The following SLC12A6 variants were observed in gnomAD, a reference collection of about 807,000 sequenced individuals.
The protein encoded by SLC12A6 is solute carrier family 12 member 6.
Under a neutral mutation model 135.3 loss-of-function variants are expected in SLC12A6, and 66 were observed. The observed-to-expected ratio is 0.49, with a 90% CI of 0.40 to 0.60. SLC12A6 has a LOEUF of 0.60. SLC12A6 is among the 20% of genes least tolerant of loss of function. SLC12A6 has a pLI of 0.00. For synonymous variants in SLC12A6, 513 were observed against 508.8 expected (o/e 1.01, Z -0.11); for missense variants, 1,058 against 1,452.3 (o/e 0.73, Z 4.41).
chr15:34,285,706 GTGTGTGTT>G (rs1214515798), intron 2 of SLC12A6, among the ~76,000 whole-genome samples: 22 of 518 alleles, frequency 0.042, no homozygotes, highest in African/African-American at 0.17. Flanking sequence ...GTGTGTGTGT[GTGTGTGTT>G]TGTCATACAT....
chr15:34,332,680 G>C (rs750339745), intron 2 of SLC12A6, among the ~76,000 whole-genome samples: 20 of 152,090 alleles, frequency 1.3e-4, no homozygotes, highest in Non-Finnish European at 2.5e-4. Context: ...CTACTTGGGA[G>C]GCTGAGGCTG....
chr15:34,235,345 G>C (rs778597105), intron 24 of SLC12A6, 31 bp from the exon 25 acceptor site: 27 of 1,599,590 alleles, frequency 1.7e-5, no homozygotes, highest in Non-Finnish European at 2.2e-5. Context: ...GGTTGTTAAG[G>C]TAAAAAGACA....
intron 16 of SLC12A6, among the ~76,000 whole-genome samples, chr15:34,243,502 C>T (rs949563606): frequency 4.6e-5 from 7 of 152,142 alleles, no homozygotes; most frequent in African/African-American, 1.7e-4. Flanking sequence ...TCATTGAGAG[C>T]TGAGCTTTAC....
Position 34,275,403 on chromosome 15 carries a change from A to G in SLC12A6, c.272-14T>C. 1.4e-6 allele frequency: 2 copies of G among 1,448,724 alleles called. No individual in the cohort carries two copies. Among genetic ancestry groups the G allele is most frequent in the South Asian group, 1.1e-5 (1 of 87,100 alleles). 89.7% of individuals were successfully genotyped at this position (1,448,724 alleles called of 1,614,324 possible). On this transcript the variant is annotated splice_polypyrimidine_tract_variant and intron_variant, in intron 2 of 25. Coordinates refer to ENST00000354181, the MANE Select transcript of SLC12A6 (RefSeq NM_001365088.1). ...TCTGACTCAGGTCTGAAAAACAAAC[A>G]ATTGAAAAGAAAAGAAAAAAATGAA...
intron 13 of SLC12A6, among the ~76,000 whole-genome samples, chr15:34,247,617 C>T (rs1180388756): frequency 1.3e-5 from 2 of 152,048 alleles, no homozygotes; most frequent in Non-Finnish European, 2.9e-5. Flanking sequence ...TACTACCATG[C>T]AGGTCAAGAA....
intron 1 of SLC12A6, 162 bp from the exon 2 acceptor site, chr15:34,336,914 C>T (rs1890238332): frequency 1.7e-6 from 1 of 572,854 alleles, no homozygotes; most frequent in East Asian, 3.0e-5. Context: ...GAGAAAAAAA[C>T]AAAAAACAAA....
chr15:34,268,656 A>G (rs1893687810), intron 3 of SLC12A6, among the ~76,000 whole-genome samples: 1 of 152,206 alleles, frequency 6.6e-6, no homozygotes, highest in Non-Finnish European at 1.5e-5. Context: ...AAGAAATACC[A>G]GATGGAATGG....
intron 2 of SLC12A6, among the ~76,000 whole-genome samples, chr15:34,333,760 C>A (rs1890017811): frequency 6.6e-6 from 1 of 152,046 alleles, no homozygotes. Flanking sequence ...TTAAAATATA[C>A]TGAAATAAGT....
At chr15:34,328,461 GA>G (rs1276053947) in intron 2 of SLC12A6, among the ~76,000 whole-genome samples, 3 of 152,206 alleles carry the variant, frequency 2.0e-5, no homozygotes. Flanking sequence ...CAAATATGGT[GA>G]TAGTGTTTCC....
intron 2 of SLC12A6, among the ~76,000 whole-genome samples, chr15:34,275,621 C>A (rs1170625722): frequency 6.6e-6 from 1 of 151,926 alleles, no homozygotes; most frequent in Non-Finnish European, 1.5e-5. Flanking sequence ...ATTATACTTC[C>A]AAAATAATTG....
chr15:34,253,632 T>G (rs889400906), intron 9 of SLC12A6, among the ~76,000 whole-genome samples: 2 of 152,236 alleles, frequency 1.3e-5, no homozygotes, highest in Non-Finnish European at 2.9e-5. Flanking sequence ...AAAATCTTTT[T>G]TTCTGTAATC....
chr15:34,256,975 A>T (rs1250457527), intron 6 of SLC12A6, among the ~76,000 whole-genome samples: 1 of 152,204 alleles, frequency 6.6e-6, no homozygotes, highest in Non-Finnish European at 1.5e-5. Flanking sequence ...GGTACCATGA[A>T]CATTTTAAGT....
chr15:34,297,074 G>A (rs1271649729), intron 2 of SLC12A6, among the ~76,000 whole-genome samples: 1 of 152,120 alleles, frequency 6.6e-6, no homozygotes, highest in African/African-American at 2.4e-5. Context: ...CCAGCTAACT[G>A]AAAGTTGGAA....
chr15:34,274,769 C>T lies in SLC12A6; in HGVS notation c.316+576G>A, dbSNP rs571431088. 1.0e-3 allele frequency among the ~76,000 whole-genome samples: 157 copies of T among 151,914 alleles called. 1 individual carries two copies. The South Asian group carries it at 0.015, about 14-fold the overall frequency. ...CGGAGCTTGCAGTGAGTGGAGATCGCACCACTGCACTCCAGCCTGGTGACA... is the reference window on the plus strand; with the variant it reads ...CGGAGCTTGCAGTGAGTGGAGATCGTACCACTGCACTCCAGCCTGGTGACA... On this transcript the variant is annotated intron_variant, in intron 3 of 25. Coordinates refer to ENST00000354181, the MANE Select transcript of SLC12A6 (RefSeq NM_001365088.1).
chr15:34,294,708 C>G (rs1895763626), intron 2 of SLC12A6, among the ~76,000 whole-genome samples: 1 of 152,160 alleles, frequency 6.6e-6, no homozygotes, highest in Non-Finnish European at 1.5e-5. Context: ...GCTAGGATTA[C>G]TGGTGTGCAC....
At chr15:34,313,755 T>C (rs770881117) in intron 2 of SLC12A6, among the ~76,000 whole-genome samples, 4 of 152,166 alleles carry the variant, frequency 2.6e-5, no homozygotes, top group Non-Finnish European at 4.4e-5. Flanking sequence ...ATGCAGCTGG[T>C]GACTTTAAGT....
At chr15:34,285,717 T>TATACCCACACACACACACACACA (rs144158165) in intron 2 of SLC12A6, among the ~76,000 whole-genome samples, 1 of 131,108 alleles carries the variant, frequency 7.6e-6, no homozygotes, top group Non-Finnish European at 1.6e-5. Context: ...TGTGTGTTTG[T>TATACCCACACACACACACACACA]CATACATAAA....
chr15:34,248,493 CA>C (rs1892152614), intron 13 of SLC12A6, among the ~76,000 whole-genome samples: 2 of 151,696 alleles, frequency 1.3e-5, no homozygotes, highest in African/African-American at 4.8e-5. Flanking sequence ...TGTAACTTAC[CA>C]AAGCTCCATG....
Position 34,314,055 on chromosome 15 carries a change from T to C in SLC12A6, c.271+22355A>G, listed in dbSNP as rs899246158. ...TTTACAGCATGGTTTATTGATTTTTTTTTTTTTTTTGAGACGTAGTCTTGC... is the reference window on the plus strand; with the variant it reads ...TTTACAGCATGGTTTATTGATTTTTCTTTTTTTTTTGAGACGTAGTCTTGC... On this transcript the variant is annotated intron_variant, in intron 2 of 25. Coordinates refer to ENST00000354181, the MANE Select transcript of SLC12A6 (RefSeq NM_001365088.1). Among the ~76,000 whole-genome samples the C allele has an allele frequency of 5.9e-5, 9 of 151,868 alleles. No homozygotes were observed. In the East Asian group the frequency reaches 1.7e-3, roughly 29 times the overall value.
Sources: allele counts gnomAD v4.1 joint callset (sites outside exome capture counted in the v4.1 genomes callset), GRCh38; gene constraint gnomAD v4.1.1; transcripts MANE v1.5; gene names NCBI Gene and HGNC (gene_info 2026-07-23, HGNC 2026-07-21).